Variants in PAPPA observed in about 807,000 individuals in gnomAD.
The protein encoded by PAPPA is pappalysin-1.
In PAPPA, 60 loss-of-function variants were observed where a neutral mutation model predicts 164.0. The ratio of observed to expected loss-of-function variants is 0.37; its 90% CI spans 0.30 to 0.45. The LOEUF is 0.45. PAPPA is among the 20% of genes least tolerant of loss of function. The pLI is 1.00. For synonymous variants in PAPPA, 875 were observed against 814.1 expected, an observed-to-expected ratio of 1.07 and a Z score of -1.27; for missense variants, 1,782 against 2,087.3, an observed-to-expected ratio of 0.85 and a Z score of 2.85.
intron 2 of PAPPA, among the ~76,000 whole-genome samples, chr9:116,196,810 G>T (rs530656630): frequency 6.6e-6 from 1 of 152,264 alleles, no homozygotes; most frequent in Non-Finnish European, 1.5e-5. Flanking sequence ...GTGGTGAAGG[G>T]TGGAGGAGCA....
chr9:116,186,716 A>G (rs1843975086), intron 1 of PAPPA, among the ~76,000 whole-genome samples: 1 of 152,100 alleles, frequency 6.6e-6, no homozygotes, highest in Admixed American at 6.6e-5. Context: ...CACCTCGTAT[A>G]CTATATTACA....
intron 1 of PAPPA, among the ~76,000 whole-genome samples, chr9:116,176,968 C>T (rs537855975): frequency 1.7e-4 from 14 of 82,786 alleles, no homozygotes; most frequent in African/African-American, 6.5e-4. Context: ...AGGAAAGACC[C>T]CCCCCCCCAA....
At chr9:116,374,172 GATGATGATGATGGTGGTGA>G (rs1846616901) in intron 19 of PAPPA, among the ~76,000 whole-genome samples, 1 of 133,916 alleles carries the variant, frequency 7.5e-6, no homozygotes, top group South Asian at 2.8e-4. Flanking sequence ...TGGTGGTGTT[GATGATGATGATGGTGGTGA>G]TGATGATGGT....
At chr9:116,160,718 C>G (rs892240447) in intron 1 of PAPPA, among the ~76,000 whole-genome samples, 7 of 152,188 alleles carry the variant, frequency 4.6e-5, no homozygotes, top group African/African-American at 1.4e-4. Context: ...GAACTTAGTT[C>G]CCTTTCCCTA....
chr9:116,176,625 C>A (rs1843837719), intron 1 of PAPPA, among the ~76,000 whole-genome samples: 1 of 152,074 alleles, frequency 6.6e-6, no homozygotes, highest in South Asian at 2.1e-4. Context: ...AGATAAATAT[C>A]CCTCTCTCCT....
intron 6 of PAPPA, among the ~76,000 whole-genome samples, chr9:116,233,866 C>T (rs1844627958): frequency 6.6e-6 from 1 of 151,942 alleles, no homozygotes; most frequent in Non-Finnish European, 1.5e-5. Context: ...CCACCACCCT[C>T]CCAACCAACC....
intron 9 of PAPPA, among the ~76,000 whole-genome samples, chr9:116,297,978 C>T (rs1354670869): frequency 6.6e-6 from 1 of 152,130 alleles, no homozygotes; most frequent in Non-Finnish European, 1.5e-5. Context: ...AATACCATGT[C>T]CAAGATTAAC....
At chr9:116,157,777 A>G (rs564387148) in intron 1 of PAPPA, among the ~76,000 whole-genome samples, 7 of 152,106 alleles carry the variant, frequency 4.6e-5, no homozygotes, top group Middle Eastern at 3.4e-3. Context: ...GCCTTCATGC[A>G]TAGCAATTTG....
chr9:116,388,006 T>A (rs1382032236), intron 21 of PAPPA, among the ~76,000 whole-genome samples: 5 of 152,158 alleles, frequency 3.3e-5, no homozygotes. Context: ...TCTTCCCGGT[T>A]CCCAGGGCTA....
chr9:116,288,775 A>G (rs910229764), intron 9 of PAPPA: 3 of 152,014 alleles, frequency 2.0e-5, no homozygotes, highest in African/African-American at 7.2e-5. Context: ...TGAATGGCTC[A>G]TCTTTTTAGA....
intron 10 of PAPPA, among the ~76,000 whole-genome samples, chr9:116,321,737 T>G (rs1222254546): frequency 6.6e-6 from 1 of 152,202 alleles, no homozygotes; most frequent in African/African-American, 2.4e-5. Flanking sequence ...GGGAAAGCCA[T>G]ATTAGTTTAA....
At chr9:116,234,530 G>T (rs1014134534) in intron 6 of PAPPA, among the ~76,000 whole-genome samples, 1 of 152,130 alleles carries the variant, frequency 6.6e-6, no homozygotes, top group African/African-American at 2.4e-5. Flanking sequence ...TGCTGGTCGG[G>T]GGGTGGGGTT....
intron 6 of PAPPA, among the ~76,000 whole-genome samples, chr9:116,230,059 G>A (rs1844570501): frequency 6.6e-6 from 1 of 152,152 alleles, no homozygotes; most frequent in Admixed American, 6.5e-5. Context: ...GCAGAATGGA[G>A]TTCAACTGGA....
intron 1 of PAPPA, among the ~76,000 whole-genome samples, chr9:116,172,068 A>G (rs1843781426): frequency 6.6e-6 from 1 of 152,232 alleles, no homozygotes; most frequent in African/African-American, 2.4e-5. Context: ...TTAATGCATA[A>G]TATGTGTCGG....
intron 14 of PAPPA, among the ~76,000 whole-genome samples, chr9:116,345,756 C>T (rs747291080): frequency 2.6e-5 from 4 of 152,120 alleles, no homozygotes; most frequent in Non-Finnish European, 5.9e-5. Flanking sequence ...ACGTGTCCTG[C>T]GTGAGATTGG....
rs368469943 is a variant in PAPPA at position 116,175,049 on chromosome 9, T to C, written c.416-12105T>C. Among the ~76,000 whole-genome samples the C allele has an allele frequency of 1.1e-4, 17 of 152,284 alleles. No individual in the cohort carries two copies. The East Asian group carries it at 1.2e-3, about 10-fold the overall frequency. On this transcript the variant is annotated intron_variant, in intron 1 of 21. Coordinates refer to ENST00000328252, the MANE Select transcript of PAPPA (RefSeq NM_002581.5). ...GAGAGAGAGTGTGACTTGCCTAAGG[T>C]CTCGCCAACACACAACTAAGTTGTA...
chr9:116,369,309 C>T (rs1285015301), intron 19 of PAPPA, among the ~76,000 whole-genome samples: 1 of 152,170 alleles, frequency 6.6e-6, no homozygotes, highest in Non-Finnish European at 1.5e-5. Context: ...CTCATATACC[C>T]AGGCATGCAG....
chr9:116,266,587 T>C (rs1845070601), intron 8 of PAPPA, among the ~76,000 whole-genome samples: 1 of 152,184 alleles, frequency 6.6e-6, no homozygotes. Flanking sequence ...TGAAGCATCA[T>C]TTGTGGGTCC....
At chr9:116,263,540 C>G (rs558274101) in intron 7 of PAPPA, among the ~76,000 whole-genome samples, 1 of 152,230 alleles carries the variant, frequency 6.6e-6, no homozygotes, top group African/African-American at 2.4e-5. Flanking sequence ...TGATAATTAA[C>G]CATTAATTGT....
Sources: allele counts gnomAD v4.1 joint callset (sites outside exome capture counted in the v4.1 genomes callset), GRCh38; gene constraint gnomAD v4.1.1; transcripts MANE v1.5; gene names NCBI Gene and HGNC (gene_info 2026-07-23, HGNC 2026-07-21).